The following SEPTIN10 variants were observed in gnomAD, a reference collection of about 807,000 sequenced individuals.
SEPTIN10 encodes septin 10.
Under a neutral mutation model 54.8 loss-of-function variants are expected in SEPTIN10, and 66 were observed. The observed-to-expected ratio is 1.21, with a 90% CI of 0.99 to 1.48. The LOEUF (loss-of-function observed/expected upper bound fraction) is 1.48, where lower values mean the gene tolerates loss of function less well. Ranked by LOEUF, SEPTIN10 falls within the 40% of genes most tolerant of loss-of-function variation. SEPTIN10 has a pLI of 0.00. For missense variants in SEPTIN10, 620 were observed against 545.6 expected (o/e 1.14, Z -1.36); for synonymous variants, 161 against 181.0 (o/e 0.89, Z 0.89).
At chr2:109,575,171 G>T (rs966615252) in intron 4 of SEPTIN10, among the ~76,000 whole-genome samples, 2 of 152,172 alleles carry the variant, frequency 1.3e-5, no homozygotes, top group African/African-American at 4.8e-5. Flanking sequence ...TCATTCACAT[G>T]CTGGGTCCCT....
chr2:109,591,834 G>A (rs1296084817), intron 2 of SEPTIN10, among the ~76,000 whole-genome samples: 1 of 152,102 alleles, frequency 6.6e-6, no homozygotes, highest in East Asian at 1.9e-4. Context: ...GGAGGTGTAG[G>A]TTGAGTGAGC....
intron 9 of SEPTIN10, among the ~76,000 whole-genome samples, chr2:109,548,364 GCAAA>G (rs996596225): frequency 6.6e-6 from 1 of 152,156 alleles, no homozygotes; most frequent in Non-Finnish European, 1.5e-5. Context: ...TGGCATTCAT[GCAAA>G]CAAAGCAGGA....
At chr2:109,568,373 CTT>C (rs5833333) in intron 5 of SEPTIN10, among the ~76,000 whole-genome samples, 16 of 129,116 alleles carry the variant, frequency 1.2e-4, no homozygotes, top group African/African-American at 8.7e-5. Flanking sequence ...GCCACACAAT[CTT>C]TTTTTTTTTT....
At chr2:109,585,904 G>C in intron 2 of SEPTIN10, 66 bp from the exon 3 acceptor site, 1 of 1,177,964 alleles carries the variant, frequency 8.5e-7, no homozygotes, top group Non-Finnish European at 1.3e-6. Flanking sequence ...ATAGGATGTA[G>C]GCACACTTGA....
At chr2:109,545,267 C>T (rs984473019) in intron 10 of SEPTIN10, 59 of 1,390,850 alleles carry the variant, frequency 4.2e-5, no homozygotes, top group Admixed American at 5.6e-5. Context: ...ATAGTTAAAC[C>T]GACAGGGATA....
At chr2:109,593,396 G>A (rs185407166) in intron 1 of SEPTIN10, among the ~76,000 whole-genome samples, 1 of 142,084 alleles carries the variant, frequency 7.0e-6, no homozygotes, top group African/African-American at 2.6e-5. Context: ...TTTACAAGTA[G>A]AGAGAGAAAG....
chr2:109,593,049 A>T lies in SEPTIN10; in HGVS notation c.99+2T>A. On this transcript the variant is annotated splice_donor_variant, in intron 2 of 10. Coordinates refer to ENST00000397712, the MANE Select transcript of SEPTIN10 (RefSeq NM_144710.5). LOFTEE classifies it high-confidence loss of function. The stretch of plus-strand genomic sequence containing the variant: ...TGGTATCTATTTAAAAGACATACTC[A>T]CTATCTGTTCATCATCTGATCCTTG... 6.3e-7 allele frequency: 1 copy of T among 1,579,670 alleles called. No individual in the cohort carries two copies. The highest frequency in any genetic ancestry group is 8.6e-7 in the Non-Finnish European group (1 of 1,163,930).
At chr2:109,574,987 T>A (rs931514911) in intron 4 of SEPTIN10, among the ~76,000 whole-genome samples, 1 of 152,220 alleles carries the variant, frequency 6.6e-6, no homozygotes, top group Non-Finnish European at 1.5e-5. Flanking sequence ...GATAAATCCA[T>A]CACATAAGTT....
At chr2:109,613,316 G>A in intron 1 of SEPTIN10, 1 of 484,248 alleles carries the variant, frequency 2.1e-6, no homozygotes. Flanking sequence ...AATCCCAATG[G>A]AGGAAAACTT....
At chr2:109,575,319 T>C (rs1329278727) in intron 4 of SEPTIN10, among the ~76,000 whole-genome samples, 2 of 152,174 alleles carry the variant, frequency 1.3e-5, no homozygotes, top group African/African-American at 4.8e-5. Context: ...GACATTTAAG[T>C]CAAAGTCCAT....
intron 10 of SEPTIN10, chr2:109,545,428 T>C (rs749217997): frequency 1.3e-6 from 2 of 1,535,972 alleles, no homozygotes; most frequent in South Asian, 2.4e-5. Context: ...ATGCTACTCA[T>C]GGCTGCCCCC....
At chr2:109,554,010 G>A (rs999590675) in intron 8 of SEPTIN10, among the ~76,000 whole-genome samples, 3 of 152,256 alleles carry the variant, frequency 2.0e-5, no homozygotes, top group East Asian at 1.9e-4. Flanking sequence ...AATTAAGTTC[G>A]TATGGTATAT....
intron 1 of SEPTIN10, chr2:109,612,985 C>A (rs986710243): frequency 2.2e-6 from 1 of 448,852 alleles, no homozygotes; most frequent in Non-Finnish European, 4.5e-6. Flanking sequence ...GGTCTCCAGC[C>A]TCCAAAGAGC....
intron 1 of SEPTIN10, chr2:109,595,096 G>A (rs747445): frequency 0.52 from 79,192 of 151,860 alleles, 21,794 homozygotes; most frequent in African/African-American, 0.7. Context: ...CACGTTGGCC[G>A]GGGTGGTCTC....
At chr2:109,565,951 A>G (rs1161448539) in intron 6 of SEPTIN10, 92 bp from the exon 7 acceptor site, 2 of 1,145,598 alleles carry the variant, frequency 1.7e-6, no homozygotes, top group African/African-American at 3.1e-5. Context: ...GAATAATTAA[A>G]TAACAAACCT....
rs1220247562 is a variant in SEPTIN10, at chr2:109,567,905, C to T, written c.672G>A (p.Lys224=). Residue 224 remains lysine, a synonymous_variant, in exon 6 of 11, where the codon AAG becomes AAA. Coordinates refer to ENST00000397712, the MANE Select transcript of SEPTIN10 (RefSeq NM_144710.5). ...CATTGCTGACCAATTCACTCATGAG[C>T]TTGATCTTAAACTTCTGTAATTCAG... ...SKTELQKFKI[K]LMSELVSNGV... The T allele has an allele frequency of 3.1e-6, 5 of 1,614,008 alleles. No individual in the cohort carries two copies. The highest frequency in any genetic ancestry group is 4.2e-6 in the Non-Finnish European group (5 of 1,179,934).
intron 10 of SEPTIN10, chr2:109,545,373 T>A: frequency 6.6e-7 from 1 of 1,520,048 alleles, no homozygotes; most frequent in Non-Finnish European, 8.8e-7. Context: ...GGTAACTGAT[T>A]TTAACACATA....
intron 4 of SEPTIN10, among the ~76,000 whole-genome samples, chr2:109,582,075 G>GAC (rs55880328): frequency 0.043 from 6,194 of 143,802 alleles, 153 homozygotes; most frequent in African/African-American, 0.08. Flanking sequence ...ATGTACAACA[G>GAC]ACACACACAC....
chr2:109,578,100 T>C (rs1056953524), intron 4 of SEPTIN10, among the ~76,000 whole-genome samples: 2 of 151,760 alleles, frequency 1.3e-5, no homozygotes, highest in Non-Finnish European at 2.9e-5. Context: ...ACTATAAGCA[T>C]AGAAATCAGG....
Sources: gnomAD v4.1 joint callset for allele counts (sites outside exome capture counted in the v4.1 genomes callset) on GRCh38, gnomAD v4.1.1 for gene constraint, MANE v1.5 for transcripts, NCBI Gene and HGNC (gene_info 2026-07-23, HGNC 2026-07-21) for gene names.